The following KCNC4 variants were observed in gnomAD, a reference collection of about 807,000 sequenced individuals.
KCNC4 encodes voltage-gated potassium channel KCNC4.
A neutral mutation model predicts 42.8 loss-of-function variants in KCNC4; 23 were observed. The ratio of observed to expected loss-of-function variants is 0.54; its 90% CI spans 0.39 to 0.76. KCNC4 has a LOEUF of 0.76. Among genes scored for constraint, KCNC4 ranks in the 30% least tolerant of loss-of-function variants. The probability of loss-of-function intolerance (pLI) is 0.00; values close to 1 mark genes in which losing one functional copy is unlikely to be tolerated. For synonymous variants in KCNC4, 422 were observed against 393.5 expected (o/e 1.07, Z -0.86); for missense variants, 751 against 898.2 (o/e 0.84, Z 2.10).
chr1:110,233,251 C>G lies in KCNC4; in HGVS notation c.*279C>G, dbSNP rs1658800714. Reference sequence around the variant, plus strand: ...AGTGCACGTGCTATTGGTGGTTTGTCTTCTTTGTTAGGCTGTGTCTCCCTA... The same window carrying G: ...AGTGCACGTGCTATTGGTGGTTTGTGTTCTTTGTTAGGCTGTGTCTCCCTA... On this transcript the variant is annotated 3_prime_UTR_variant, in exon 4 of 4. Coordinates refer to ENST00000438661, the MANE Select transcript of KCNC4 (RefSeq NM_001039574.3). 1 of 546,528 alleles carries G rather than the reference C, an allele frequency of 1.8e-6. No individual in the cohort carries two copies. The highest frequency in any genetic ancestry group is 2.2e-5 in the South Asian group (1 of 44,628). 33.9% of individuals were successfully genotyped at this position (546,528 alleles called of 1,614,324 possible).
At chr1:110,218,083 A>T (rs952311798) in intron 1 of KCNC4, among the ~76,000 whole-genome samples, 1 of 151,914 alleles carries the variant, frequency 6.6e-6, no homozygotes, top group Non-Finnish European at 1.5e-5. Flanking sequence ...CCTTATGTTT[A>T]TCTGTCCATC....
At chr1:110,275,174 T>C (rs9988446) in intron 1 of KCNC4, among the ~76,000 whole-genome samples, 44,137 of 151,406 alleles carry the variant, frequency 0.29, 6,852 homozygotes, top group Admixed American at 0.43. Context: ...AAAAAACAAA[T>C]AACCCCATTA....
chr1:110,216,734 A>C (rs112614034), intron 1 of KCNC4, among the ~76,000 whole-genome samples: 2 of 152,002 alleles, frequency 1.3e-5, no homozygotes, highest in African/African-American at 4.8e-5. Flanking sequence ...GCTCTGTGCA[A>C]CCCTCATTCC....
chr1:110,232,492 C>A (rs1293092727), intron 3 of KCNC4: 54 of 1,439,706 alleles, frequency 3.8e-5, no homozygotes, highest in Middle Eastern at 2.5e-4. Flanking sequence ...ACTTTCCCCA[C>A]TGCCTCCATG....
chr1:110,274,459 T>C (rs1381275505), intron 1 of KCNC4, among the ~76,000 whole-genome samples: 1 of 152,234 alleles, frequency 6.6e-6, no homozygotes, highest in Non-Finnish European at 1.5e-5. Flanking sequence ...ACAGATTCAG[T>C]GCAATCCTTA....
chr1:110,246,766 C>CTTTTTTTTTTTTTTTT (rs61165830), exon 4 of KCNC4: 4 of 139,372 alleles, frequency 2.9e-5, no homozygotes, highest in African/African-American at 2.7e-5. Context: ...TTTTTCTTTT[C>CTTTTTTTTTTTTTTTT]TTTTTTTTTT....
At chr1:110,260,856 G>A (rs568825455) in intron 1 of KCNC4, among the ~76,000 whole-genome samples, 10 of 152,326 alleles carry the variant, frequency 6.6e-5, no homozygotes, top group South Asian at 2.1e-4. Flanking sequence ...TGTGAACCGG[G>A]GAGGCGGAGC....
intron 1 of KCNC4, among the ~76,000 whole-genome samples, chr1:110,277,659 G>A (rs1659747898): frequency 6.6e-6 from 1 of 152,218 alleles, no homozygotes; most frequent in African/African-American, 2.4e-5. Flanking sequence ...GTCGGAGTGG[G>A]AAGTAACATC....
rs115303831 is a variant in KCNC4 at position 110,280,365 on chromosome 1, G to A, written n.31-2169G>A. Among the ~76,000 whole-genome samples, 985 of 152,220 alleles carry A rather than the reference G, an allele frequency of 6.5e-3. 14 individuals carry two copies. Among genetic ancestry groups the A allele is most frequent in the African/African-American group, 0.021 (874 of 41,530 alleles). On this transcript the variant is annotated intron_variant and non_coding_transcript_variant, in intron 1 of 2. Transcript: ENST00000412512. ...ACAGGGTGGGAGGAGATTGTGCTCT[G>A]TCTCCCTGCCAAGGTTGAAGACTCT...
At chr1:110,222,736 C>A in intron 1 of KCNC4, 1 of 542,258 alleles carries the variant, frequency 1.8e-6, no homozygotes, top group Non-Finnish European at 3.3e-6. Flanking sequence ...CAGCCAAGAG[C>A]AGCTTCTATC....
chr1:110,257,339 G>C (rs115795881), intron 1 of KCNC4, among the ~76,000 whole-genome samples: 1 of 151,664 alleles, frequency 6.6e-6, no homozygotes, highest in Non-Finnish European at 1.5e-5. Context: ...AAAGTTTAGG[G>C]TAAAACTTTT....
chr1:110,252,491 C>T (rs1359062977), downstream of KCNC4, among the ~76,000 whole-genome samples: 1 of 152,180 alleles, frequency 6.6e-6, no homozygotes, highest in South Asian at 2.1e-4. Flanking sequence ...TAGCTTCCCA[C>T]TGGCTGTCTT....
At chr1:110,249,694 G>T (rs879267769), downstream of KCNC4, among the ~76,000 whole-genome samples, 2 of 151,840 alleles carry the variant, frequency 1.3e-5, no homozygotes, top group Non-Finnish European at 2.9e-5. Flanking sequence ...AGAGAAATTG[G>T]TAGAGGCTTT....
intron 1 of KCNC4, among the ~76,000 whole-genome samples, chr1:110,269,432 T>G (rs1003720368): frequency 8.5e-5 from 13 of 152,182 alleles, no homozygotes; most frequent in Non-Finnish European, 1.9e-4. Context: ...ATAAATGAAA[T>G]CTGGAGTCTG....
At chr1:110,276,364 T>C (rs1341945627) in intron 1 of KCNC4, among the ~76,000 whole-genome samples, 1 of 149,486 alleles carries the variant, frequency 6.7e-6, no homozygotes, top group Non-Finnish European at 1.5e-5. Flanking sequence ...AAGAATGGGT[T>C]AATAGAAATA....
In KCNC4 at chr1:110,268,730, AT is replaced by A. The variant is rs1312990388; in HGVS notation, n.31-13789del. Among the ~76,000 whole-genome samples, 645 of 132,318 alleles carry A rather than the reference AT, an allele frequency of 4.9e-3. 4 individuals carry two copies. The highest frequency in any genetic ancestry group is 0.014 in the African/African-American group (500 of 35,996). 86.8% of individuals were successfully genotyped at this position (132,318 alleles called of 152,430 possible). On this transcript the variant is annotated intron_variant and non_coding_transcript_variant, in intron 1 of 2. Coordinates refer to the KCNC4 transcript ENST00000412512. ...CTCATGTGGCTGGCCCTGAGATTTT[AT>A]TTTTTTTTTTTTTTGAGACGGAGTC...
chr1:110,274,408 A>G (rs2361046), intron 1 of KCNC4, among the ~76,000 whole-genome samples: 44,156 of 152,142 alleles, frequency 0.29, 6,854 homozygotes, highest in Admixed American at 0.43. Context: ...AGATTGAAAG[A>G]ATTAATATTG....
At chr1:110,270,230 G>A (rs1659613915) in intron 1 of KCNC4, among the ~76,000 whole-genome samples, 1 of 152,090 alleles carries the variant, frequency 6.6e-6, no homozygotes, top group Non-Finnish European at 1.5e-5. Flanking sequence ...TCCTCTCTGG[G>A]TCCTTTCTGT....
intron 3 of KCNC4, among the ~76,000 whole-genome samples, chr1:110,229,919 G>T (rs1291682985): frequency 6.6e-6 from 1 of 152,216 alleles, no homozygotes; most frequent in Non-Finnish European, 1.5e-5. Context: ...CAATTTTGCG[G>T]AGAGAATGAC....
Sources: gnomAD v4.1 joint callset for allele counts (sites outside exome capture counted in the v4.1 genomes callset) on GRCh38, gnomAD v4.1.1 for gene constraint, MANE v1.5 for transcripts, NCBI Gene and HGNC (gene_info 2026-07-23, HGNC 2026-07-21) for gene names.